The following RALGPS1 variants were observed in gnomAD, a reference collection of about 807,000 sequenced individuals.
RALGPS1 encodes the protein ras-specific guanine nucleotide-releasing factor RalGPS1.
RALGPS1 carries 19 observed loss-of-function variants against 78.8 expected under a neutral mutation model. The observed-to-expected ratio is 0.24, with a 90% CI of 0.17 to 0.35. The LOEUF (loss-of-function observed/expected upper bound fraction) is 0.35. RALGPS1 is among the 10% of genes least tolerant of loss of function. The pLI is 1.00. For synonymous variants in RALGPS1, 228 were observed against 256.3 expected (o/e 0.89, Z 1.06); for missense variants, 454 against 688.3 (o/e 0.66, Z 3.81).
intron 14 of RALGPS1, among the ~76,000 whole-genome samples, chr9:127,200,941 C>T (rs2061598762): frequency 6.6e-6 from 1 of 152,232 alleles, no homozygotes; most frequent in African/African-American, 2.4e-5. Context: ...TCGCTTATTC[C>T]TTCATTCACT....
At chr9:127,207,844 G>A (rs1429490397) in intron 14 of RALGPS1, among the ~76,000 whole-genome samples, 3 of 152,224 alleles carry the variant, frequency 2.0e-5, no homozygotes, top group Admixed American at 6.5e-5. Context: ...AAGGCCTGGG[G>A]TCGCTCCCCG....
At chr9:127,210,575 G>T (rs970148327) in intron 14 of RALGPS1, 4 of 705,000 alleles carry the variant, frequency 5.7e-6, no homozygotes, top group Non-Finnish European at 9.8e-6. Flanking sequence ...GGGGAGGGAG[G>T]GAGGTTGCTC....
At chr9:127,054,229 A>G (rs2048528776) in intron 7 of RALGPS1, among the ~76,000 whole-genome samples, 1 of 152,212 alleles carries the variant, frequency 6.6e-6, no homozygotes, top group Non-Finnish European at 1.5e-5. Context: ...TTCCAAGTCC[A>G]TCTGACCAGT....
chr9:127,210,781 ATTCATGTG>A (rs2062204449), intron 14 of RALGPS1: 10 of 1,547,448 alleles, frequency 6.5e-6, no homozygotes, highest in South Asian at 6.0e-5. Context: ...GTCTACAGGT[ATTCATGTG>A]TTCATGTGTT....
intron 8 of RALGPS1, among the ~76,000 whole-genome samples, chr9:127,113,942 A>C (rs116782593): frequency 6.6e-6 from 1 of 152,232 alleles, no homozygotes; most frequent in Non-Finnish European, 1.5e-5. Flanking sequence ...TTTTCATCAG[A>C]TGGAGCTGTG....
chr9:127,108,793 A>G, intron 8 of RALGPS1: 2 of 1,503,072 alleles, frequency 1.3e-6, no homozygotes, highest in Non-Finnish European at 1.8e-6. Flanking sequence ...GAAAGTAAAC[A>G]GAGGGGAGAA....
intron 8 of RALGPS1, among the ~76,000 whole-genome samples, chr9:127,126,139 C>CT (rs1663086569): frequency 1.3e-5 from 2 of 152,164 alleles, no homozygotes; most frequent in South Asian, 4.1e-4. Flanking sequence ...TCCCATACCC[C>CT]ACCCCACCCC....
rs1008110359 is a variant in RALGPS1 at position 127,220,685 on chromosome 9, C to T, written c.*1916C>T. ...CATGCAGTGTTAACACTTTAACCTACATTGAATCTGATTCTACCTGTTAAC... is the reference window on the plus strand; with the variant it reads ...CATGCAGTGTTAACACTTTAACCTATATTGAATCTGATTCTACCTGTTAAC... On this transcript the variant is annotated 3_prime_UTR_variant, in exon 19 of 19. Transcript: ENST00000259351. 3.3e-5 allele frequency: 5 copies of T among 152,238 alleles called. No homozygotes were observed. Among genetic ancestry groups the T allele is most frequent in the African/African-American group, 4.8e-5 (2 of 41,466 alleles). The allele number at this position is 152,238 out of a possible 1,614,324, so 9.4% of individuals were successfully genotyped here.
At chr9:127,189,894 T>C (rs2060931129) in intron 11 of RALGPS1, among the ~76,000 whole-genome samples, 1 of 152,144 alleles carries the variant, frequency 6.6e-6, no homozygotes. Context: ...GGAGGACAAA[T>C]CTGGAGGGGC....
intron 8 of RALGPS1, among the ~76,000 whole-genome samples, chr9:127,132,521 G>A (rs2057078593): frequency 6.6e-6 from 1 of 152,220 alleles, no homozygotes; most frequent in African/African-American, 2.4e-5. Context: ...TAAGGGTGGA[G>A]CAGCCACCTC....
rs148084974 is a variant in RALGPS1 at position 127,048,606 on chromosome 9, A to G, written c.301-1437A>G. The stretch of plus-strand genomic sequence containing the variant: ...AACATGGACTGCAGTTCCAGAGTCA[A>G]TGCTTCCATGTTCCGTAATATGCCA... On this transcript the variant is annotated intron_variant, in intron 5 of 18. Transcript: ENST00000259351. Among the ~76,000 whole-genome samples the G allele has an allele frequency of 1.8e-3, 276 of 152,334 alleles. 1 individual carries two copies. The Middle Eastern group carries it at 0.024, about 13-fold the overall frequency.
intron 4 of RALGPS1, among the ~76,000 whole-genome samples, chr9:126,990,767 T>C (rs1426687999): frequency 6.6e-6 from 1 of 152,228 alleles, no homozygotes; most frequent in Non-Finnish European, 1.5e-5. Context: ...GTTTGAATTA[T>C]GAGTTCAAAG....
At chr9:127,043,948 G>T (rs2135097632) in intron 5 of RALGPS1, among the ~76,000 whole-genome samples, 1 of 152,322 alleles carries the variant, frequency 6.6e-6, no homozygotes, top group East Asian at 1.9e-4. Flanking sequence ...TGCCGTCAAA[G>T]ATCTGAAGCA....
chr9:127,056,902 A>T (rs1430705711), intron 7 of RALGPS1, among the ~76,000 whole-genome samples: 5 of 152,198 alleles, frequency 3.3e-5, no homozygotes, highest in African/African-American at 9.7e-5. Context: ...CTCTCTGCTC[A>T]CTTGTCCTTT....
rs769034019 is a variant in RALGPS1 at position 127,091,856 on chromosome 9, G to A, written c.610+22500G>A. On this transcript the variant is annotated intron_variant, in intron 8 of 18. Coordinates refer to ENST00000259351, the MANE Select transcript of RALGPS1 (RefSeq NM_014636.3). This position sits in a 1 kb window ranked among gnomAD's most constrained non-coding sequence, Gnocchi z 4.3. ...CCGGACCAGTCCTCCATGGTCACCAGGAGTTTGTAGTTGCCTTGGTTCGTC... is the reference window on the plus strand; with the variant it reads ...CCGGACCAGTCCTCCATGGTCACCAAGAGTTTGTAGTTGCCTTGGTTCGTC... 13 of 1,614,218 alleles carry A rather than the reference G, an allele frequency of 8.1e-6. No homozygotes were observed. The South Asian group carries it at 1.4e-4, about 18-fold the overall frequency.
At chr9:127,049,335 A>G (rs577699357) in intron 5 of RALGPS1, among the ~76,000 whole-genome samples, 20 of 152,320 alleles carry the variant, frequency 1.3e-4, no homozygotes, top group African/African-American at 4.8e-4. Context: ...CTGTTCCACC[A>G]TCAGACACAG....
At chr9:126,938,605 T>A (rs960077549) in intron 1 of RALGPS1, among the ~76,000 whole-genome samples, 20 of 152,236 alleles carry the variant, frequency 1.3e-4, no homozygotes, top group African/African-American at 4.8e-4. Context: ...GGTTGATGGC[T>A]TCTTATTTGT....
chr9:127,125,830 A>T (rs932142446), intron 8 of RALGPS1, among the ~76,000 whole-genome samples: 2 of 152,200 alleles, frequency 1.3e-5, no homozygotes, highest in African/African-American at 4.8e-5. Context: ...TTAAAATTTT[A>T]TCAGTAAATG....
intron 7 of RALGPS1, among the ~76,000 whole-genome samples, chr9:127,059,667 G>C (rs2049033491): frequency 6.6e-6 from 1 of 151,940 alleles, no homozygotes; most frequent in African/African-American, 2.4e-5. Context: ...AGTGATGGCT[G>C]GCTTTTCAGT....
Sources: gnomAD v4.1 joint callset for allele counts (sites outside exome capture counted in the v4.1 genomes callset) on GRCh38, gnomAD v4.1.1 for gene constraint, Gnocchi (gnomAD v3.1) non-coding constraint, MANE v1.5 for transcripts, NCBI Gene and HGNC (gene_info 2026-07-23, HGNC 2026-07-21) for gene names.